The following GRHL2 variants were observed in gnomAD, a reference collection of about 807,000 sequenced individuals.
The protein encoded by GRHL2 is grainyhead like transcription factor 2, also known as grainyhead-like protein 2 homolog.
Under a neutral mutation model 83.8 loss-of-function variants are expected in GRHL2, and 21 were observed. The ratio of observed to expected loss-of-function variants is 0.25; its 90% CI spans 0.18 to 0.36. The LOEUF (loss-of-function observed/expected upper bound fraction) is 0.36. Among genes scored for constraint, GRHL2 ranks in the 10% least tolerant of loss-of-function variants. GRHL2 has a pLI of 1.00. For synonymous variants in GRHL2, 280 were observed against 278.9 expected, an observed-to-expected ratio of 1.00 and a Z score of -0.04; for missense variants, 623 against 781.8, an observed-to-expected ratio of 0.80 and a Z score of 2.42.
chr8:101,578,497 C>T (rs1811979671), intron 7 of GRHL2, among the ~76,000 whole-genome samples: 1 of 152,168 alleles, frequency 6.6e-6, no homozygotes, highest in Admixed American at 6.5e-5. Context: ...CTCTGAGATG[C>T]AGAGCAAAGT....
chr8:101,602,127 C>T (rs143194228), intron 8 of GRHL2, among the ~76,000 whole-genome samples: 1 of 152,178 alleles, frequency 6.6e-6, no homozygotes, highest in African/African-American at 2.4e-5. Context: ...AAAGAGAAAT[C>T]ATAAAAGTTA....
chr8:101,504,687 A>G (rs1747048406), intron 1 of GRHL2, among the ~76,000 whole-genome samples: 1 of 151,868 alleles, frequency 6.6e-6, no homozygotes, highest in South Asian at 2.1e-4. Flanking sequence ...TTTTTAGAGT[A>G]TAGACTTGCT....
chr8:101,494,515 CTA>C (rs1229952235), intron 1 of GRHL2, among the ~76,000 whole-genome samples: 2 of 152,094 alleles, frequency 1.3e-5, no homozygotes, highest in African/African-American at 4.8e-5. Context: ...CCATATCTCT[CTA>C]GTCTTCAAGG....
intron 4 of GRHL2, among the ~76,000 whole-genome samples, chr8:101,560,500 C>T (rs1478004394): frequency 3.3e-5 from 5 of 152,172 alleles, no homozygotes; most frequent in Non-Finnish European, 5.9e-5. Flanking sequence ...TGGACATATG[C>T]TTTCATTTCT....
At chr8:101,624,929 C>T (rs970564788) in intron 9 of GRHL2, among the ~76,000 whole-genome samples, 1 of 152,028 alleles carries the variant, frequency 6.6e-6, no homozygotes, top group East Asian at 1.9e-4. Flanking sequence ...ACATAAAATA[C>T]CGAAATGACA....
At chr8:101,652,601 G>GTGTC (rs1491389636) in intron 14 of GRHL2, among the ~76,000 whole-genome samples, 2 of 75,312 alleles carry the variant, frequency 2.7e-5, no homozygotes, top group Non-Finnish European at 4.6e-5. Context: ...TGTGTGTGTG[G>GTGTC]TGTGTGTGTG....
At chr8:101,554,138 A>G (rs1468629730) in intron 3 of GRHL2, among the ~76,000 whole-genome samples, 2 of 152,170 alleles carry the variant, frequency 1.3e-5, no homozygotes, top group Admixed American at 1.3e-4. Context: ...CTCTCCACCA[A>G]CCAGCAGCCA....
At chr8:101,519,991 C>G (rs1222954435) in intron 1 of GRHL2, among the ~76,000 whole-genome samples, 1 of 152,192 alleles carries the variant, frequency 6.6e-6, no homozygotes, top group Non-Finnish European at 1.5e-5. Context: ...ATCAGGCAAA[C>G]TCAAGTTTAA....
chr8:101,511,492 C>T (rs546621552), intron 1 of GRHL2, among the ~76,000 whole-genome samples: 4 of 152,226 alleles, frequency 2.6e-5, no homozygotes, highest in South Asian at 4.1e-4. Context: ...GGACTACAGG[C>T]GTGTGCCACC....
intron 1 of GRHL2, among the ~76,000 whole-genome samples, chr8:101,536,486 A>T (rs1005916377): frequency 6.6e-6 from 1 of 152,222 alleles, no homozygotes; most frequent in East Asian, 1.9e-4. Context: ...TAGGAAGTGA[A>T]TATCATTATT....
intron 1 of GRHL2, among the ~76,000 whole-genome samples, chr8:101,537,128 A>G (rs1382614789): frequency 2.0e-5 from 3 of 152,196 alleles, no homozygotes; most frequent in African/African-American, 7.2e-5. Flanking sequence ...ATGGCTGCAT[A>G]GTATTCCATG....
chr8:101,674,069 G>A (rs1215401444), downstream of GRHL2, among the ~76,000 whole-genome samples: 1 of 151,876 alleles, frequency 6.6e-6, no homozygotes, highest in Admixed American at 6.6e-5. Flanking sequence ...TGTGTAGAGG[G>A]AAATTTATAG....
downstream of GRHL2, among the ~76,000 whole-genome samples, chr8:101,670,877 G>T (rs979391168): frequency 1.3e-5 from 2 of 152,208 alleles, no homozygotes; most frequent in Admixed American, 6.5e-5. Context: ...CCGTGTGCTG[G>T]AGAGAGAGGC....
chr8:101,576,533 A>G (rs559215524), intron 6 of GRHL2, among the ~76,000 whole-genome samples: 15 of 152,168 alleles, frequency 9.9e-5, no homozygotes, highest in Non-Finnish European at 1.9e-4. Context: ...AGAAGTTCTT[A>G]AGGAATGAGA....
intron 14 of GRHL2, among the ~76,000 whole-genome samples, chr8:101,659,944 T>C (rs1351943445): frequency 6.6e-6 from 1 of 152,210 alleles, no homozygotes; most frequent in Non-Finnish European, 1.5e-5. Context: ...TGAGCTGCTA[T>C]ACAGCCAGGG....
At chr8:101,584,230 AG>A (rs1365152859) in intron 7 of GRHL2, among the ~76,000 whole-genome samples, 1 of 152,204 alleles carries the variant, frequency 6.6e-6, no homozygotes, top group Non-Finnish European at 1.5e-5. Flanking sequence ...AGGCAATTAT[AG>A]TACAATTTCA....
downstream of GRHL2, among the ~76,000 whole-genome samples, chr8:101,671,512 A>T (rs926035866): frequency 6.6e-6 from 1 of 152,202 alleles, no homozygotes; most frequent in Non-Finnish European, 1.5e-5. Context: ...CCCAGGCTTG[A>T]TTAGGCAAAC....
At chr8:101,527,341 T>C (rs564473743) in intron 1 of GRHL2, among the ~76,000 whole-genome samples, 2 of 152,316 alleles carry the variant, frequency 1.3e-5, no homozygotes, top group East Asian at 3.9e-4. Context: ...AAAATCAACA[T>C]GCTTTTTATT....
chr8:101,513,443 C>T (rs1810503666), intron 1 of GRHL2, among the ~76,000 whole-genome samples: 1 of 149,748 alleles, frequency 6.7e-6, no homozygotes, highest in Non-Finnish European at 1.5e-5. Context: ...CACGGGTCTC[C>T]TCTTTCCTGG....
Sources: gnomAD v4.1 joint callset for allele counts (sites outside exome capture counted in the v4.1 genomes callset) on GRCh38, gnomAD v4.1.1 for gene constraint, MANE v1.5 for transcripts, NCBI Gene and HGNC (gene_info 2026-07-23, HGNC 2026-07-21) for gene names.